SHISA6: variants seen among roughly 807,000 people sequenced by gnomAD.
SHISA6 encodes shisa family member 6.
SHISA6 carries 22 observed loss-of-function variants against 47.9 expected under a neutral mutation model. The ratio of observed to expected loss-of-function variants is 0.46; its 90% confidence interval spans 0.33 to 0.66. The LOEUF is 0.66. Among genes scored for constraint, SHISA6 ranks in the 30% least tolerant of loss-of-function variants. The pLI, the probability that SHISA6 is intolerant of heterozygous loss-of-function variation, is 0.02. For missense variants in SHISA6, 680 were observed against 764.6 expected, an observed-to-expected ratio of 0.89 and a Z score of 1.30; for synonymous variants, 388 against 337.8, an observed-to-expected ratio of 1.15 and a Z score of -1.63.
chr17:11,407,804 G>C (rs1914007722), intron 3 of SHISA6, among the ~76,000 whole-genome samples: 2 of 152,010 alleles, frequency 1.3e-5, no homozygotes, highest in Non-Finnish European at 2.9e-5. Flanking sequence ...TGCTCTCTGG[G>C]GATGTGGTCC....
rs1376012926 is a variant in SHISA6 at position 11,525,636 on chromosome 17, AAAAAAAAAAAAAAAAC to A, written c.896-26246_896-26231del. Among the ~76,000 whole-genome samples, 184 of 87,118 alleles carry A rather than the reference AAAAAAAAAAAAAAAAC, an allele frequency of 2.1e-3. 1 individual carries two copies. Among genetic ancestry groups the A allele is most frequent in the Non-Finnish European group, 3.3e-3 (151 of 45,684 alleles). The allele number at this position is 87,118 out of a possible 152,430, so 57.2% of individuals were successfully genotyped here. On this transcript the variant is annotated intron_variant, in intron 3 of 5. Transcript: ENST00000441885. The stretch of plus-strand genomic sequence containing the variant: ...AACAGAGCAAGACTCCGTCTCAAAA[AAAAAAAAAAAAAAAAC>A]AAAAAAAAAAAAACGTGTTATAATA...
At chr17:11,290,700 TG>T (rs1909501383) in intron 2 of SHISA6, 1 of 152,148 alleles carries the variant, frequency 6.6e-6, no homozygotes, top group South Asian at 2.1e-4. Context: ...TGATTAAAGT[TG>T]TTAGGAATGT....
intron 2 of SHISA6, among the ~76,000 whole-genome samples, chr17:11,327,229 G>A (rs1018137040): frequency 3.9e-5 from 6 of 152,126 alleles, no homozygotes; most frequent in South Asian, 2.1e-4. Flanking sequence ...TTCCTAGGTC[G>A]CATACCATGA....
chr17:11,282,239 C>T (rs1032588128), intron 2 of SHISA6, among the ~76,000 whole-genome samples: 1 of 152,206 alleles, frequency 6.6e-6, no homozygotes, highest in Non-Finnish European at 1.5e-5. Context: ...AATCAGCAGA[C>T]ACTCTTGCTC....
At chr17:11,512,068 T>C (rs2071545822) in intron 3 of SHISA6, among the ~76,000 whole-genome samples, 1 of 152,272 alleles carries the variant, frequency 6.6e-6, no homozygotes, top group Admixed American at 6.5e-5. Context: ...CCAAGGTTCC[T>C]GTCTTCCAAT....
chr17:11,493,914 AT>A (rs60787178), intron 3 of SHISA6, among the ~76,000 whole-genome samples: 245 of 149,908 alleles, frequency 1.6e-3, no homozygotes, highest in African/African-American at 5.6e-3. Flanking sequence ...TCTCCCTTCT[AT>A]TTTTTTTTTG....
chr17:11,474,346 C>A (rs983166854), intron 3 of SHISA6, among the ~76,000 whole-genome samples: 13 of 151,040 alleles, frequency 8.6e-5, no homozygotes, highest in Non-Finnish European at 1.8e-4. Flanking sequence ...TGTTTGTTGG[C>A]CACATAAATG....
At chr17:11,436,724 G>A (rs1274098787) in intron 3 of SHISA6, among the ~76,000 whole-genome samples, 1 of 152,222 alleles carries the variant, frequency 6.6e-6, no homozygotes, top group Non-Finnish European at 1.5e-5. Context: ...ACACATGGAT[G>A]AATCCCAATG....
intron 2 of SHISA6, among the ~76,000 whole-genome samples, chr17:11,314,389 A>G (rs73295458): frequency 0.37 from 56,421 of 151,578 alleles, 10,966 homozygotes; most frequent in African/African-American, 0.5. Context: ...ATTGGGGGAA[A>G]AAACTTTAGA....
chr17:11,527,149 C>A (rs2071694102), intron 3 of SHISA6, among the ~76,000 whole-genome samples: 1 of 152,008 alleles, frequency 6.6e-6, no homozygotes, highest in South Asian at 2.1e-4. Context: ...CTTGATTAAC[C>A]ATGGGTTTGG....
chr17:11,278,953 AG>A (rs1909027247), intron 2 of SHISA6, among the ~76,000 whole-genome samples: 1 of 152,110 alleles, frequency 6.6e-6, no homozygotes, highest in East Asian at 1.9e-4. Flanking sequence ...AGCCTTGGAG[AG>A]GCTGGGGTGC....
intron 3 of SHISA6, among the ~76,000 whole-genome samples, chr17:11,526,378 A>T (rs905971576): frequency 2.6e-5 from 4 of 152,224 alleles, no homozygotes; most frequent in Admixed American, 1.3e-4. Context: ...GCCTAGTTTG[A>T]CAGCAGACCT....
chr17:11,320,531 A>C (rs1192665916), intron 2 of SHISA6, among the ~76,000 whole-genome samples: 6 of 152,050 alleles, frequency 3.9e-5, no homozygotes, highest in Non-Finnish European at 7.4e-5. Flanking sequence ...GGTGGTGGGC[A>C]CCTGTAATCC....
At chr17:11,479,422 G>A (rs1849587) in intron 3 of SHISA6, among the ~76,000 whole-genome samples, 39,851 of 151,784 alleles carry the variant, frequency 0.26, 5,247 homozygotes, top group Admixed American at 0.3. Flanking sequence ...AGAACACATA[G>A]ACACAGGGAG....
At chr17:11,336,462 C>T (rs1165712297) in intron 2 of SHISA6, among the ~76,000 whole-genome samples, 1 of 152,042 alleles carries the variant, frequency 6.6e-6, no homozygotes, top group Non-Finnish European at 1.5e-5. Flanking sequence ...CATGATGGAC[C>T]CTTCCCCAGA....
chr17:11,558,027 C>G lies in SHISA6; in HGVS notation c.1379C>G (p.Ser460Cys). The change falls in exon 6 of 6, where the codon TCC becomes TGC. Residue 460 changes from serine to cysteine, a missense_variant. By Grantham distance (112) the Ser-to-Cys change is moderately radical (BLOSUM62 -1). Transcript: ENST00000441885. ...CTGCACTCCCAGGACCCGCTGCTGT[C>G]CCCGGAGCGGACGGCCTTTCCCGAG... ...ERLHSQDPLL[S>C]PERTAFPEQS... 6.4e-7 allele frequency: 1 copy of G among 1,551,630 alleles called. No individual in the cohort carries two copies. Among genetic ancestry groups the G allele is most frequent in the Non-Finnish European group, 8.7e-7 (1 of 1,146,996 alleles).
At chr17:11,384,611 G>A (rs773869335) in intron 3 of SHISA6, among the ~76,000 whole-genome samples, 4 of 152,168 alleles carry the variant, frequency 2.6e-5, no homozygotes, top group Admixed American at 1.3e-4. Context: ...GTTTCCACTG[G>A]GATATCCCTG....
intron 3 of SHISA6, among the ~76,000 whole-genome samples, chr17:11,499,187 G>C (rs1196807558): frequency 6.6e-6 from 1 of 152,152 alleles, no homozygotes; most frequent in African/African-American, 2.4e-5. Context: ...AAGTTCACCA[G>C]GGCCAGAATT....
chr17:11,380,317 G>T (rs1020031772), intron 3 of SHISA6: 1 of 152,146 alleles, frequency 6.6e-6, no homozygotes, highest in East Asian at 1.9e-4. Flanking sequence ...ACAAGGAACT[G>T]TGCAATATTT....
Sources: allele counts gnomAD v4.1 joint callset (sites outside exome capture counted in the v4.1 genomes callset), GRCh38; gene constraint gnomAD v4.1.1; transcripts MANE v1.5; gene names NCBI Gene and HGNC (gene_info 2026-07-23, HGNC 2026-07-21).